Variants in LRRIQ3 observed in about 807,000 individuals in gnomAD.
LRRIQ3 encodes leucine rich repeats and IQ motif containing 3.
LRRIQ3 carries 75 observed loss-of-function variants against 59.3 expected under a neutral mutation model. The ratio of observed to expected loss-of-function variants is 1.26; its 90% CI spans 1.05 to 1.53. The LOEUF is 1.53. Among genes scored for constraint, LRRIQ3 ranks in the 40% most tolerant of loss-of-function variants. The pLI is 0.00. For synonymous variants in LRRIQ3, 250 were observed against 231.3 expected (o/e 1.08, Z -0.73); for missense variants, 831 against 710.0 (o/e 1.17, Z -1.94).
chr1:74,102,432 A>T (rs368237329), intron 5 of LRRIQ3, among the ~76,000 whole-genome samples: 1 of 152,060 alleles, frequency 6.6e-6, no homozygotes, highest in African/African-American at 2.4e-5. Flanking sequence ...ATATTACCTC[A>T]TATCTGTTAA....
At chr1:74,118,070 TA>T (rs1389031457) in intron 4 of LRRIQ3, among the ~76,000 whole-genome samples, 3 of 151,994 alleles carry the variant, frequency 2.0e-5, no homozygotes, top group African/African-American at 7.2e-5. Context: ...TATCTAATAC[TA>T]TAGAAAATGG....
chr1:74,194,641 G>C (rs1650983365), intron 1 of LRRIQ3, among the ~76,000 whole-genome samples: 1 of 152,018 alleles, frequency 6.6e-6, no homozygotes, highest in South Asian at 2.1e-4. Flanking sequence ...CTAAAAGGTG[G>C]TGAGCCAGAA....
chr1:74,138,563 G>A (rs1188247929), intron 4 of LRRIQ3: 8 of 864,072 alleles, frequency 9.3e-6, no homozygotes, highest in Non-Finnish European at 9.7e-6. Context: ...CTCTTCAGGA[G>A]AGTGAAATGG....
chr1:74,130,354 C>A (rs563474630), intron 4 of LRRIQ3, among the ~76,000 whole-genome samples: 1 of 152,176 alleles, frequency 6.6e-6, no homozygotes, highest in South Asian at 2.1e-4. Context: ...GGCTGAGTTC[C>A]ACCAAGTGCC....
intron 1 of LRRIQ3, among the ~76,000 whole-genome samples, chr1:74,186,225 T>A (rs941384584): frequency 3.3e-5 from 5 of 151,980 alleles, no homozygotes; most frequent in African/African-American, 1.2e-4. Flanking sequence ...AACAGTGCTA[T>A]TAATCAAATA....
chr1:74,166,200 G>A (rs1175947455), intron 3 of LRRIQ3, among the ~76,000 whole-genome samples: 1 of 151,398 alleles, frequency 6.6e-6, no homozygotes. Flanking sequence ...TTTCTCTTTT[G>A]TGAATTTTAA....
intron 7 of LRRIQ3, among the ~76,000 whole-genome samples, chr1:74,040,737 C>G (rs1294021629): frequency 2.0e-5 from 3 of 152,134 alleles, no homozygotes; most frequent in African/African-American, 7.2e-5. Context: ...TTATTTGAAA[C>G]CAGTGAGAAC....
intron 5 of LRRIQ3, among the ~76,000 whole-genome samples, chr1:74,107,528 A>T (rs886265289): frequency 6.6e-6 from 1 of 150,754 alleles, no homozygotes; most frequent in Non-Finnish European, 1.5e-5. Context: ...AAGATAAAAG[A>T]ATAATAAGTG....
At position 74,183,517 on chromosome 1, in the gene LRRIQ3, G is replaced by A. The variant is rs1464691149; in HGVS notation, c.168C>T (p.Ile56=). ...LQSCISLRVC[I]FSNNFITDIH... ...TATCTGTAATAAAATTGTTTGAGAA[G>A]ATGCATACTCTAAGAGAGATGCAAG... Residue 56 remains isoleucine (I), a synonymous_variant, in exon 2 of 8, where the codon ATC becomes ATT. Transcript: ENST00000354431. The A allele has an allele frequency of 5.0e-6, 8 of 1,610,886 alleles. No individual in the cohort carries two copies. Among genetic ancestry groups the A allele is most frequent in the Non-Finnish European group, 6.8e-6 (8 of 1,178,230 alleles).
rs1270397909 is a variant in LRRIQ3 at position 74,064,286 on chromosome 1, T to C, written c.997+10375A>G. Among the ~76,000 whole-genome samples, 7 of 151,968 alleles carry C rather than the reference T, an allele frequency of 4.6e-5. No individual in the cohort carries two copies. In the East Asian group the frequency reaches 9.6e-4, roughly 21 times the overall value. ...CTTTCTGTAGGCTTGTTATCTTACATCATTTCATTACTCCAATATAGCTTT... is the reference window on the plus strand; with the variant it reads ...CTTTCTGTAGGCTTGTTATCTTACACCATTTCATTACTCCAATATAGCTTT... On this transcript the variant is annotated intron_variant, in intron 6 of 7. Coordinates refer to ENST00000354431, the MANE Select transcript of LRRIQ3 (RefSeq NM_001105659.2).
At chr1:74,087,390 T>A (rs1646339122) in intron 5 of LRRIQ3, among the ~76,000 whole-genome samples, 1 of 143,450 alleles carries the variant, frequency 7.0e-6, no homozygotes, top group Admixed American at 6.9e-5. Context: ...TCTTTTTTTT[T>A]TTTTTTTTTT....
At chr1:74,124,628 A>G (rs1646909147) in intron 4 of LRRIQ3, among the ~76,000 whole-genome samples, 1 of 151,912 alleles carries the variant, frequency 6.6e-6, no homozygotes, top group African/African-American at 2.4e-5. Flanking sequence ...TCTTTCTCCA[A>G]TGCATGTTCT....
intron 1 of LRRIQ3, among the ~76,000 whole-genome samples, chr1:74,195,136 T>C (rs141653465): frequency 6.6e-6 from 1 of 152,126 alleles, no homozygotes; most frequent in Non-Finnish European, 1.5e-5. Context: ...AAAAAATATT[T>C]AAGAAATAAA....
intron 6 of LRRIQ3, among the ~76,000 whole-genome samples, chr1:74,049,916 C>CT (rs71242762): frequency 0.84 from 120,386 of 142,704 alleles, 51,715 homozygotes; most frequent in East Asian, 0.96. Context: ...ACCTTTGTGT[C>CT]TTTTTTTTCT....
At chr1:74,099,779 C>T (rs1646504084) in intron 5 of LRRIQ3, among the ~76,000 whole-genome samples, 1 of 152,182 alleles carries the variant, frequency 6.6e-6, no homozygotes, top group Non-Finnish European at 1.5e-5. Flanking sequence ...TGTAATCCAT[C>T]ATATAAACAG....
intron 4 of LRRIQ3, chr1:74,138,356 T>C (rs1334342836): frequency 6.4e-6 from 2 of 310,632 alleles, no homozygotes; most frequent in African/African-American, 4.5e-5. Flanking sequence ...AAGTCTATTT[T>C]CAGCTATTCC....
intron 4 of LRRIQ3, among the ~76,000 whole-genome samples, chr1:74,126,164 T>C (rs1212112732): frequency 2.0e-5 from 3 of 151,912 alleles, no homozygotes; most frequent in African/African-American, 7.2e-5. Context: ...TATCAACTAA[T>C]AATCTTTCGG....
chr1:74,168,066 G>A (rs111612492), intron 3 of LRRIQ3, among the ~76,000 whole-genome samples: 10 of 152,042 alleles, frequency 6.6e-5, no homozygotes, highest in African/African-American at 2.2e-4. Flanking sequence ...TGCTGTTGTT[G>A]GGTGGTGTTC....
intron 6 of LRRIQ3, among the ~76,000 whole-genome samples, chr1:74,045,514 G>A (rs1435912189): frequency 1.3e-5 from 2 of 152,014 alleles, no homozygotes; most frequent in Admixed American, 1.3e-4. Context: ...ATACTGAATG[G>A]GCAAAAACCG....
Sources: allele counts gnomAD v4.1 joint callset (sites outside exome capture counted in the v4.1 genomes callset), GRCh38; gene constraint gnomAD v4.1.1; transcripts MANE v1.5; gene names NCBI Gene and HGNC (gene_info 2026-07-23, HGNC 2026-07-21).